Variants in HEPH observed in about 807,000 individuals in gnomAD.
The protein encoded by HEPH is hephaestin.
Under a neutral mutation model 80.8 loss-of-function variants are expected in HEPH, and 69 were observed. That is an observed-to-expected ratio of 0.85 (90% CI 0.70 to 1.04). HEPH has a LOEUF of 1.04. HEPH is among the 50% of genes least tolerant of loss of function. The pLI is 0.00. For missense variants in HEPH, 1,115 were observed against 891.3 expected (o/e 1.25, Z -3.20); for synonymous variants, 431 against 322.8 (o/e 1.34, Z -3.60).
At chrX:66,217,215 C>G (rs977155987) in intron 15 of HEPH, among the ~76,000 whole-genome samples, 1 of 110,907 alleles carries the variant, frequency 9.0e-6, no homozygotes, top group Non-Finnish European at 1.9e-5. Flanking sequence ...AGATCGTTGC[C>G]TAGGTACATA....
Position 66,188,380 on chromosome X carries a change from C to T in HEPH, c.647C>T (p.Pro216Leu), listed in dbSNP as rs2147681716. ...CTAGGAGCCCTGGATGGGAACTCCCCTCCTCAACGCCAGGATGTAGACCAT... is the reference window on the plus strand; with the variant it reads ...CTAGGAGCCCTGGATGGGAACTCCCTTCCTCAACGCCAGGATGTAGACCAT... ...CKRGALDGNS[P>L]PQRQDVDHDF... The change falls in exon 5 of 21, where the codon CCT becomes CTT. Residue 216 changes from proline to leucine, a missense_variant. Physicochemically the swap from Pro to Leu is moderately conservative, Grantham distance 98. Transcript: ENST00000343002. 1 of 1,192,828 alleles carries T rather than the reference C, an allele frequency of 8.4e-7. No individual in the cohort carries two copies. The highest frequency in any genetic ancestry group is 3.0e-5 in the East Asian group (1 of 33,296).
intron 1 of HEPH, among the ~76,000 whole-genome samples, chrX:66,165,133 C>A (rs976021216): frequency 4.5e-5 from 5 of 111,688 alleles, no homozygotes; most frequent in African/African-American, 1.6e-4. Flanking sequence ...CATTACTCAG[C>A]ATCTATTATA....
intron 10 of HEPH, among the ~76,000 whole-genome samples, 170 bp from the exon 11 acceptor site, chrX:66,198,708 T>C (rs184479937): frequency 9.0e-6 from 1 of 111,726 alleles, no homozygotes; most frequent in East Asian, 2.8e-4. Flanking sequence ...TCATCTGCAA[T>C]TTGAGGTTAC....
At chrX:66,254,550 G>A (rs775923509) in intron 15 of HEPH, among the ~76,000 whole-genome samples, 8 of 110,587 alleles carry the variant, frequency 7.2e-5, no homozygotes, top group African/African-American at 2.6e-4. Flanking sequence ...TTAGTAACAA[G>A]GGGAGTCTGG....
chrX:66,237,681 T>A (rs1332219837), intron 15 of HEPH, among the ~76,000 whole-genome samples: 3 of 112,208 alleles, frequency 2.7e-5, no homozygotes, highest in Non-Finnish European at 1.9e-5. Flanking sequence ...TCTTTGTTCA[T>A]TTTCTGCCTC....
At position 66,242,128 on chromosome X, in the gene HEPH, G is replaced by A. The variant is rs1018651446; in HGVS notation, c.2564-12907G>A. Among the ~76,000 whole-genome samples, 6 of 109,401 alleles carry A rather than the reference G, an allele frequency of 5.5e-5. No individual in the cohort carries two copies. The East Asian group carries it at 1.1e-3, about 21-fold the overall frequency. On this transcript the variant is annotated intron_variant, in intron 15 of 20. Coordinates refer to ENST00000343002, the MANE Select transcript of HEPH (RefSeq NM_001367233.3). Reference sequence around the variant, plus strand: ...ACCCAACTTTAAACTATACTACAAGGCTATATTAACCAAAACAGTGGGGTA... The same window carrying A: ...ACCCAACTTTAAACTATACTACAAGACTATATTAACCAAAACAGTGGGGTA...
chrX:66,198,037 G>A (rs1382370526), intron 10 of HEPH, 143 bp downstream of exon 10: 1 of 494,734 alleles, frequency 2.0e-6, no homozygotes, highest in South Asian at 3.1e-5. Flanking sequence ...GAAATTAATA[G>A]TTGGTGACCT....
Position 66,202,472 on chromosome X carries a change from T to G in HEPH, c.2078-892T>G, listed in dbSNP as rs142283452. Among the ~76,000 whole-genome samples, 508 of 111,668 alleles carry G rather than the reference T, an allele frequency of 4.5e-3. 5 individuals are homozygous for G. Among genetic ancestry groups the G allele is most frequent in the African/African-American group, 0.016 (477 of 30,741 alleles). ...AGCTTCTTTTGATCGACATTGAGTT[T>G]GAGTATCCTTGAGTTAGAAATTTGG... On this transcript the variant is annotated intron_variant, in intron 12 of 20. Transcript: ENST00000343002.
chrX:66,259,711 CTT>C lies in HEPH; in HGVS notation c.3037-375_3037-374del, dbSNP rs11348677. On this transcript the variant is annotated intron_variant, in intron 18 of 20. Coordinates refer to ENST00000343002, the MANE Select transcript of HEPH (RefSeq NM_001367233.3). Reference sequence around the variant, plus strand: ...TCATTGGAGATATGAATAAAGTGGACTTTTTTTTTTTTTTTGAGATGGAGTCT... The same window carrying C: ...TCATTGGAGATATGAATAAAGTGGACTTTTTTTTTTTTTGAGATGGAGTCT... Among the ~76,000 whole-genome samples, 412 of 94,289 alleles carry C rather than the reference CTT, an allele frequency of 4.4e-3. 2 individuals are homozygous for C. Among genetic ancestry groups the C allele is most frequent in the African/African-American group, 0.015 (396 of 25,589 alleles). The allele number at this position is 94,289 out of a possible 115,157, so 81.9% of individuals were successfully genotyped here.
At chrX:66,194,298 A>G (rs2087969924) in intron 8 of HEPH, among the ~76,000 whole-genome samples, 1 of 111,942 alleles carries the variant, frequency 8.9e-6, no homozygotes, top group Non-Finnish European at 1.9e-5. Context: ...ATAGGGAGAT[A>G]CAATGAGGAG....
chrX:66,222,855 G>A lies in HEPH; in HGVS notation c.2563+14609G>A, dbSNP rs776810035. ...AAATACAATAGTTTGAGGCAAAATCGACTTGGTTATGTTAATAACCAGACG... is the reference window on the plus strand; with the variant it reads ...AAATACAATAGTTTGAGGCAAAATCAACTTGGTTATGTTAATAACCAGACG... On this transcript the variant is annotated intron_variant, in intron 15 of 20. Coordinates refer to ENST00000343002, the MANE Select transcript of HEPH (RefSeq NM_001367233.3). Among the ~76,000 whole-genome samples, 4 of 112,223 alleles carry A rather than the reference G, an allele frequency of 3.6e-5. No individual in the cohort carries two copies. The South Asian group carries it at 1.1e-3, about 31-fold the overall frequency.
chrX:66,215,924 C>T (rs991871380), intron 15 of HEPH, among the ~76,000 whole-genome samples: 5 of 109,876 alleles, frequency 4.6e-5, no homozygotes, highest in African/African-American at 6.7e-5. Flanking sequence ...ACCAGCCTTT[C>T]GGCTGTGGGC....
intron 15 of HEPH, among the ~76,000 whole-genome samples, chrX:66,233,053 C>CA (rs1556013030): frequency 9.0e-6 from 1 of 110,740 alleles, no homozygotes; most frequent in Non-Finnish European, 1.9e-5. Context: ...ATGATCTAAG[C>CA]AAAAAATGGG....
In HEPH at chrX:66,195,367, A is replaced by G. The variant is rs1008862337; in HGVS notation, c.1501+138A>G. On this transcript the variant is annotated intron_variant, in intron 9 of 20. Coordinates refer to ENST00000343002, the MANE Select transcript of HEPH (RefSeq NM_001367233.3). Reference sequence around the variant, plus strand: ...GTGGATGTTGTTGAATGAATGAATAATATAATAGTAAAACAGAGCTGGGCT... The same window carrying G: ...GTGGATGTTGTTGAATGAATGAATAGTATAATAGTAAAACAGAGCTGGGCT... 9 of 414,017 alleles carry G rather than the reference A, an allele frequency of 2.2e-5. No individual in the cohort carries two copies. The South Asian group carries it at 1.1e-3, about 49-fold the overall frequency. The allele number at this position is 414,017 out of a possible 1,213,427, so 34.1% of individuals were successfully genotyped here. A position where few individuals can be genotyped will look rare whatever the true frequency, so the allele number is the denominator to read the frequency against.
chrX:66,266,630 C>T lies in HEPH; in HGVS notation c.3435C>T (p.Ser1145=). Residue 1145 remains serine (S), a synonymous_variant, in exon 21 of 21, where the codon TCC becomes TCT. Coordinates refer to ENST00000343002, the MANE Select transcript of HEPH (RefSeq NM_001367233.3). ...GAAAGCTACGACGCAATAGGAGGTC[C>T]ATCCTGGATGACAGCTTCAAGCTTC... ...RQRKLRRNRR[S]ILDDSFKLLS... 1 of 1,208,320 alleles carries T rather than the reference C, an allele frequency of 8.3e-7. No individual in the cohort carries two copies. The highest frequency in any genetic ancestry group is 3.0e-5 in the East Asian group (1 of 33,708).
intron 15 of HEPH, among the ~76,000 whole-genome samples, chrX:66,232,511 T>G (rs1377451351): frequency 1.8e-5 from 2 of 111,685 alleles, no homozygotes; most frequent in East Asian, 5.6e-4. Flanking sequence ...AATTTTTATG[T>G]TTTAATATAA....
intron 4 of HEPH, among the ~76,000 whole-genome samples, chrX:66,187,173 C>T (rs1278502652): frequency 9.0e-6 from 1 of 110,871 alleles, no homozygotes; most frequent in Admixed American, 9.6e-5. Flanking sequence ...TTTATTATTT[C>T]CTTTCACTGG....
In HEPH at chrX:66,266,608, A is replaced by T. The variant is rs146202640; in HGVS notation, c.3413A>T (p.Lys1138Met). Reference protein sequence around the residue: ...GVVWYQHRQRKLRRNRRSILD... With the variant: ...GVVWYQHRQRMLRRNRRSILD... ...GTTTGGTACCAACATCGACAGAGAA[A>T]GCTACGACGCAATAGGAGGTCCATC... The change falls in exon 21 of 21, where the codon AAG (lysine) becomes ATG (methionine). Residue 1138 changes from lysine to methionine, a missense_variant. This residue lies in a region of HEPH where 716 missense variants were observed against 523.5 expected (regional missense o/e 1.37). Transcript: ENST00000343002. 1.7e-6 allele frequency: 2 copies of T among 1,207,778 alleles called. No individual in the cohort carries two copies. Among genetic ancestry groups the T allele is most frequent in the Non-Finnish European group, 2.2e-6 (2 of 894,374 alleles).
At chrX:66,201,014 G>T (rs1362042307) in intron 12 of HEPH, among the ~76,000 whole-genome samples, 1 of 111,581 alleles carries the variant, frequency 9.0e-6, no homozygotes, top group Non-Finnish European at 1.9e-5. Flanking sequence ...TTGGGATGTT[G>T]CTCAGCTTTA....
Sources: gnomAD v4.1 joint callset for allele counts (sites outside exome capture counted in the v4.1 genomes callset) on GRCh38, gnomAD v4.1.1 for gene constraint, gnomAD v4.1.1 regional missense constraint, MANE v1.5 for transcripts, NCBI Gene and HGNC (gene_info 2026-07-23, HGNC 2026-07-21) for gene names.